Variants in BCCIP observed in about 807,000 individuals in gnomAD.
BCCIP encodes BRCA2 and CDKN1A interacting protein, also known as BRCA2 and CDKN1A-interacting protein.
In BCCIP, 23 loss-of-function variants were observed where a neutral mutation model predicts 32.8. The ratio of observed to expected loss-of-function variants is 0.70; its 90% confidence interval spans 0.51 to 0.99. The LOEUF is 0.99. Among genes scored for constraint, BCCIP ranks in the 50% least tolerant of loss-of-function variants. BCCIP has a pLI of 0.00. For synonymous variants in BCCIP, 144 were observed against 137.6 expected (o/e 1.05, Z -0.33); for missense variants, 378 against 379.8 (o/e 1.00, Z 0.04).
intron 7 of BCCIP, chr10:125,852,387 T>A: frequency 6.2e-7 from 1 of 1,614,230 alleles, no homozygotes; most frequent in East Asian, 2.2e-5. Context: ...CCTGCATTTC[T>A]GCTGGCTTCA....
downstream of BCCIP, chr10:125,838,484 G>T: frequency 8.6e-7 from 1 of 1,168,156 alleles, no homozygotes; most frequent in Non-Finnish European, 1.2e-6. Context: ...TATTTTATAC[G>T]GGATAGTTAA....
chr10:125,825,589 A>G (rs1468596802), intron 1 of BCCIP: 3 of 152,218 alleles, frequency 2.0e-5, no homozygotes, highest in African/African-American at 4.8e-5. Context: ...GGGCCTTGCA[A>G]TTTTACAATT....
chr10:125,836,627 C>A, downstream of BCCIP: 1 of 1,576,704 alleles, frequency 6.3e-7, no homozygotes, highest in Non-Finnish European at 8.6e-7. Context: ...CTCCCATATC[C>A]AGCAGTTCAG....
exon 8 of BCCIP, chr10:125,853,141 A>C (rs1163578162): frequency 6.2e-7 from 1 of 1,610,786 alleles, no homozygotes; most frequent in Non-Finnish European, 8.5e-7. Flanking sequence ...CACGGGGGCA[A>C]GTGACAGCCC....
chr10:125,852,262 A>G (rs1944100484), intron 7 of BCCIP: 2 of 1,608,492 alleles, frequency 1.2e-6, no homozygotes, highest in Non-Finnish European at 1.7e-6. Context: ...TCTCAGCCTA[A>G]TGCCTGGCTG....
chr10:125,831,088 A>G (rs1854511643), intron 4 of BCCIP, among the ~76,000 whole-genome samples: 1 of 152,272 alleles, frequency 6.6e-6, no homozygotes, highest in Non-Finnish European at 1.5e-5. Flanking sequence ...TACCCACCTC[A>G]GAATAAGATG....
intron 3 of BCCIP, among the ~76,000 whole-genome samples, chr10:125,829,238 C>G (rs375001976): frequency 6.6e-6 from 1 of 152,170 alleles, no homozygotes; most frequent in Non-Finnish European, 1.5e-5. Context: ...GGTACTAGCA[C>G]CGATCTTGTA....
At chr10:125,841,242 T>C (rs542692416), downstream of BCCIP, 202 of 1,610,006 alleles carry the variant, frequency 1.3e-4, 1 homozygote, top group South Asian at 1.9e-3. Flanking sequence ...ATATCCTGCT[T>C]CTATTCCGGC....
At chr10:125,834,150 T>C (rs529055685) in intron 6 of BCCIP, among the ~76,000 whole-genome samples, 1 of 152,330 alleles carries the variant, frequency 6.6e-6, no homozygotes, top group African/African-American at 2.4e-5. Flanking sequence ...CCTCCTTGCC[T>C]GCACTGTGGT....
downstream of BCCIP, among the ~76,000 whole-genome samples, chr10:125,843,537 A>G (rs1452030384): frequency 6.6e-6 from 1 of 151,930 alleles, no homozygotes; most frequent in Non-Finnish European, 1.5e-5. Context: ...GCGTGAACCC[A>G]GGAAGTGGAG....
At chr10:125,850,431 C>T (rs1391418309) in intron 7 of BCCIP, among the ~76,000 whole-genome samples, 1 of 141,138 alleles carries the variant, frequency 7.1e-6, no homozygotes, top group Non-Finnish European at 1.5e-5. Flanking sequence ...AATCTTGGTT[C>T]ACCGCAACCT....
downstream of BCCIP, among the ~76,000 whole-genome samples, chr10:125,846,914 T>A (rs1944029119): frequency 6.6e-6 from 1 of 152,130 alleles, no homozygotes; most frequent in Admixed American, 6.5e-5. Flanking sequence ...AACGGGTCAT[T>A]AACTAGTACC....
chr10:125,842,083 G>A (rs1854897568), exon 7 of BCCIP: 2 of 1,039,662 alleles, frequency 1.9e-6, no homozygotes, highest in East Asian at 5.8e-5. Flanking sequence ...ACCAGGGAGT[G>A]AAGGATAGTG....
chr10:125,831,438 C>T lies in BCCIP; in HGVS notation c.430C>T (p.Gln144Ter). 3 of 1,613,882 alleles carry T rather than the reference C, an allele frequency of 1.9e-6. No individual in the cohort carries two copies. Among genetic ancestry groups the T allele is most frequent in the Non-Finnish European group, 2.5e-6 (3 of 1,179,844 alleles). ...TTTCTAGGGTACCCAGTGTGTTGAA[C>T]AAATTCAAGAGTTGGTTCTACGCTT... Reference protein sequence around the residue: ...TERKGTQCVEQIQELVLRFCE... With the variant: ...TERKGTQCVE Residue 144 changes from glutamine (Q) to a stop codon, truncating the protein, a stop_gained, in exon 5 of 7, where the codon CAA becomes TAA. Transcript: ENST00000278100. LOFTEE classifies it high-confidence loss of function.
rs3034779 is a variant in BCCIP, at chr10:125,834,829, C to CAAAAAA, written c.774+884_774+889dup. On this transcript the variant is annotated intron_variant, in intron 6 of 6. Transcript: ENST00000278100. ...TCCGTCTCAAAAACAAACAAACAAA[C>CAAAAAA]AAAAAACACAAAAACATCTTGAGCC... Among the ~76,000 whole-genome samples, 15 of 149,210 alleles carry CAAAAAA rather than the reference C, an allele frequency of 1.0e-4. No individual in the cohort carries two copies. In the East Asian group the frequency reaches 1.2e-3, roughly 12 times the overall value.
rs1564818166 is a variant in BCCIP, at chr10:125,830,553, T to C, written c.322-9T>C. 2 of 1,573,772 alleles carry C rather than the reference T, an allele frequency of 1.3e-6. No individual in the cohort carries two copies. Among genetic ancestry groups the C allele is most frequent in the Non-Finnish European group, 1.7e-6 (2 of 1,154,912 alleles). On this transcript the variant is annotated splice_polypyrimidine_tract_variant and intron_variant, in intron 3 of 6. Coordinates refer to ENST00000278100, the MANE Select transcript of BCCIP (RefSeq NM_078468.3). Reference sequence around the variant, plus strand: ...ATATAACATTTAAATATTTTTTCTTTTAAAATAGCAAACGGATGTTTCAGA... The same window carrying C: ...ATATAACATTTAAATATTTTTTCTTCTAAAATAGCAAACGGATGTTTCAGA...
chr10:125,850,758 A>G (rs977303815), intron 7 of BCCIP, among the ~76,000 whole-genome samples: 1 of 152,218 alleles, frequency 6.6e-6, no homozygotes, highest in African/African-American at 2.4e-5. Context: ...TCATAATCCA[A>G]AGAATCATAG....
intron 1 of BCCIP, among the ~76,000 whole-genome samples, chr10:125,824,414 G>A (rs574632203): frequency 1.4e-4 from 21 of 152,304 alleles, no homozygotes; most frequent in Admixed American, 3.3e-4. Flanking sequence ...AGATACCTCA[G>A]CCTTAACTTG....
At chr10:125,853,065 TC>T in intron 7 of BCCIP, 1 of 1,242,396 alleles carries the variant, frequency 8.0e-7, no homozygotes, top group South Asian at 1.4e-5. Flanking sequence ...TACTGAGAGT[TC>T]CAATCATAAC....
Sources: allele counts gnomAD v4.1 joint callset (sites outside exome capture counted in the v4.1 genomes callset), GRCh38; gene constraint gnomAD v4.1.1; transcripts MANE v1.5; gene names NCBI Gene and HGNC (gene_info 2026-07-23, HGNC 2026-07-21).